The following MAGI1 variants were observed in gnomAD, a reference collection of about 807,000 sequenced individuals.
MAGI1 encodes the protein membrane-associated guanylate kinase, WW and PDZ domain-containing protein 1.
MAGI1 carries 58 observed loss-of-function variants against 139.9 expected under a neutral mutation model. The observed-to-expected ratio is 0.41, with a 90% CI of 0.34 to 0.52. The LOEUF is 0.52. Among genes scored for constraint, MAGI1 ranks in the 20% least tolerant of loss-of-function variants. MAGI1 has a pLI of 0.12. For missense variants in MAGI1, 1,874 were observed against 1,901.6 expected (o/e 0.99, Z 0.27); for synonymous variants, 812 against 737.9 (o/e 1.10, Z -1.63).
intron 2 of MAGI1, among the ~76,000 whole-genome samples, chr3:65,503,939 T>A (rs1464814060): frequency 6.6e-6 from 1 of 152,204 alleles, no homozygotes; most frequent in Non-Finnish European, 1.5e-5. Flanking sequence ...TGCTCTCAGT[T>A]AAGTGTAAAC....
At chr3:66,037,883 C>G in intron 1 of MAGI1, 113 bp downstream of exon 1, 1 of 1,494,048 alleles carries the variant, frequency 6.7e-7, no homozygotes, top group South Asian at 1.3e-5. Context: ...CGCACGGCCT[C>G]AACTTCTCTT....
chr3:65,726,493 G>A (rs376138660), intron 1 of MAGI1, among the ~76,000 whole-genome samples: 4 of 152,232 alleles, frequency 2.6e-5, no homozygotes, highest in African/African-American at 9.6e-5. Flanking sequence ...GGCATATATT[G>A]CCCTATTTTT....
intron 1 of MAGI1, among the ~76,000 whole-genome samples, chr3:65,909,039 C>G (rs1469870509): frequency 6.6e-6 from 1 of 152,114 alleles, no homozygotes; most frequent in Non-Finnish European, 1.5e-5. Context: ...AATGCCAATT[C>G]CATGCACAAT....
chr3:65,758,295 A>G (rs2036719981), intron 1 of MAGI1, among the ~76,000 whole-genome samples: 1 of 152,208 alleles, frequency 6.6e-6, no homozygotes, highest in Non-Finnish European at 1.5e-5. Flanking sequence ...GAAAGGAGAA[A>G]GAGAAAGGTC....
chr3:65,396,880 AC>A (rs1278685684), intron 13 of MAGI1, among the ~76,000 whole-genome samples: 4 of 152,202 alleles, frequency 2.6e-5, no homozygotes, highest in Non-Finnish European at 5.9e-5. Context: ...TCTAAGTCAA[AC>A]GATTTCTTCC....
At chr3:65,817,118 G>A (rs1208563947) in intron 1 of MAGI1, among the ~76,000 whole-genome samples, 1 of 152,092 alleles carries the variant, frequency 6.6e-6, no homozygotes, top group Non-Finnish European at 1.5e-5. Context: ...TGCATAACAT[G>A]CCTGTGTACC....
rs10663644 is a variant in MAGI1 at position 65,778,453 on chromosome 3, T to TAGGA, written c.314-156366_314-156365insTCCT. 5.4e-5 allele frequency among the ~76,000 whole-genome samples: 7 copies of TAGGA among 130,512 alleles called. No individual in the cohort carries two copies. The Admixed American group carries it at 5.8e-4, about 11-fold the overall frequency. The allele number at this position is 130,512 out of a possible 152,430, so 85.6% of individuals were successfully genotyped here. A position where few individuals can be genotyped will look rare whatever the true frequency, so the allele number is the denominator to read the frequency against. On this transcript the variant is annotated intron_variant, in intron 1 of 22. Coordinates refer to ENST00000402939, the MANE Select transcript of MAGI1 (RefSeq NM_001033057.2). Reference sequence around the variant, plus strand: ...CTCAAAAAAAAAAAAAATAAATAAATAAGTCTTTTGAGAAATGCAGGAAGG... The same window carrying TAGGA: ...CTCAAAAAAAAAAAAAATAAATAAATAGGAAAGTCTTTTGAGAAATGCAGGAAGG...
chr3:65,403,968 T>C (rs1006837400), intron 12 of MAGI1, among the ~76,000 whole-genome samples: 9 of 152,170 alleles, frequency 5.9e-5, no homozygotes, highest in African/African-American at 2.2e-4. Context: ...GGTAACAACA[T>C]AGTCTTTAAA....
At chr3:65,508,346 G>C (rs562320203) in intron 2 of MAGI1, among the ~76,000 whole-genome samples, 2 of 152,068 alleles carry the variant, frequency 1.3e-5, no homozygotes, top group Non-Finnish European at 2.9e-5. Context: ...GGAGCTTGCA[G>C]TGAGCCGAGA....
chr3:65,359,289 G>C (rs1459711972), intron 22 of MAGI1: 8 of 1,475,430 alleles, frequency 5.4e-6, no homozygotes, highest in African/African-American at 1.4e-5. Flanking sequence ...AGGGCAAAGA[G>C]AGTTTATTTG....
chr3:65,973,366 G>A (rs1560070188), intron 1 of MAGI1, among the ~76,000 whole-genome samples: 1 of 152,020 alleles, frequency 6.6e-6, no homozygotes, highest in Non-Finnish European at 1.5e-5. Context: ...AAGGGAAGTA[G>A]AAAAAATTTC....
intron 8 of MAGI1, among the ~76,000 whole-genome samples, chr3:65,440,307 A>C (rs1278316101): frequency 6.6e-6 from 1 of 152,126 alleles, no homozygotes; most frequent in African/African-American, 2.4e-5. Context: ...AAGGAAAGTA[A>C]GTGTCTGGGC....
chr3:65,667,737 C>T (rs1365532218), intron 1 of MAGI1, among the ~76,000 whole-genome samples: 1 of 152,030 alleles, frequency 6.6e-6, no homozygotes, highest in Non-Finnish European at 1.5e-5. Context: ...CTAATATTTG[C>T]ATTTTTTGTA....
rs543949930 is a variant in MAGI1 at position 65,616,228 on chromosome 3, G to C, written c.430+5744C>G. On this transcript the variant is annotated intron_variant, in intron 2 of 22. Coordinates refer to ENST00000402939, the MANE Select transcript of MAGI1 (RefSeq NM_001033057.2). ...TTTCAATGGAGAAGGACAGGTGTAA[G>C]CAGGCAAGGGGTGGGTCAGTAGGTG... Among the ~76,000 whole-genome samples the C allele has an allele frequency of 1.2e-4, 19 of 152,282 alleles. No homozygotes were observed. The South Asian group carries it at 3.7e-3, about 30-fold the overall frequency.
At chr3:65,384,556 G>A (rs1943297413) in intron 14 of MAGI1, among the ~76,000 whole-genome samples, 3 of 152,156 alleles carry the variant, frequency 2.0e-5, no homozygotes, top group African/African-American at 4.8e-5. Context: ...GCAACATAGT[G>A]AGACCTTGTC....
intron 3 of MAGI1, among the ~76,000 whole-genome samples, chr3:65,491,105 A>G (rs1951999285): frequency 6.6e-6 from 1 of 152,090 alleles, no homozygotes; most frequent in Non-Finnish European, 1.5e-5. Flanking sequence ...TTCAAGTACT[A>G]ATGGGTTATT....
At chr3:65,969,132 G>T (rs1453254115) in intron 1 of MAGI1, among the ~76,000 whole-genome samples, 1 of 152,226 alleles carries the variant, frequency 6.6e-6, no homozygotes, top group African/African-American at 2.4e-5. Flanking sequence ...ATTGAGGCTG[G>T]TCTGGAGAAC....
At chr3:65,658,297 G>T (rs541259609) in intron 1 of MAGI1, among the ~76,000 whole-genome samples, 2 of 152,216 alleles carry the variant, frequency 1.3e-5, no homozygotes, top group East Asian at 1.9e-4. Flanking sequence ...ATAAGGACGC[G>T]ATGGACCAAA....
chr3:66,002,582 C>T (rs1023851458), intron 1 of MAGI1, among the ~76,000 whole-genome samples: 1 of 152,130 alleles, frequency 6.6e-6, no homozygotes, highest in East Asian at 1.9e-4. Flanking sequence ...GTGGCGCGAT[C>T]TCGACTCACT....
Sources: allele counts gnomAD v4.1 joint callset (sites outside exome capture counted in the v4.1 genomes callset), GRCh38; gene constraint gnomAD v4.1.1; transcripts MANE v1.5; gene names NCBI Gene and HGNC (gene_info 2026-07-23, HGNC 2026-07-21).